ZNF148: variants seen among roughly 807,000 people sequenced by gnomAD.
The protein encoded by ZNF148 is zinc finger protein 148, also known as Beta-Enolase Repressor Factor-1.
Under a neutral mutation model 67.7 loss-of-function variants are expected in ZNF148, and 7 were observed. That is an observed-to-expected ratio of 0.10 (90% CI 0.06 to 0.19). The LOEUF is 0.19. Among genes scored for constraint, ZNF148 ranks in the 10% least tolerant of loss-of-function variants. ZNF148 has a pLI of 1.00. For missense variants in ZNF148, 583 were observed against 947.1 expected, an observed-to-expected ratio of 0.62 and a Z score of 5.05; for synonymous variants, 333 against 330.7, an observed-to-expected ratio of 1.01 and a Z score of -0.08.
At chr3:125,347,923 A>G (rs755892812) in intron 1 of ZNF148, among the ~76,000 whole-genome samples, 1 of 152,174 alleles carries the variant, frequency 6.6e-6, no homozygotes. Flanking sequence ...TCTACATGCA[A>G]AAGAATGAAA....
chr3:125,351,334 G>A (rs981280503), intron 1 of ZNF148, among the ~76,000 whole-genome samples: 1 of 134,290 alleles, frequency 7.4e-6, no homozygotes, highest in Admixed American at 8.4e-5. Flanking sequence ...ATCTGTTACC[G>A]TGCCACCGCA....
chr3:125,258,422 CAA>C (rs34739205), intron 7 of ZNF148, among the ~76,000 whole-genome samples: 8 of 56,288 alleles, frequency 1.4e-4, no homozygotes, highest in African/African-American at 4.0e-4. Flanking sequence ...GACTCCATCT[CAA>C]AAAAAAAAAA....
At chr3:125,249,598 A>G (rs1305321826) in intron 7 of ZNF148, among the ~76,000 whole-genome samples, 1 of 152,180 alleles carries the variant, frequency 6.6e-6, no homozygotes, top group Admixed American at 6.5e-5. Flanking sequence ...CCATTATGGA[A>G]AACAGTATGG....
intron 7 of ZNF148, among the ~76,000 whole-genome samples, chr3:125,256,799 T>C (rs1277057741): frequency 6.6e-6 from 1 of 152,214 alleles, no homozygotes; most frequent in Non-Finnish European, 1.5e-5. Flanking sequence ...GGAATCCCAG[T>C]AAAGATTGTG....
chr3:125,339,794 CAAAAATT>C (rs147506444), intron 1 of ZNF148, among the ~76,000 whole-genome samples: 5 of 152,180 alleles, frequency 3.3e-5, no homozygotes, highest in South Asian at 4.2e-4. Context: ...TATGTACCTA[CAAAAATT>C]AAAAATTAAA....
intron 7 of ZNF148, among the ~76,000 whole-genome samples, chr3:125,251,454 T>TA (rs1266154053): frequency 2.6e-5 from 4 of 152,228 alleles, no homozygotes; most frequent in Admixed American, 2.6e-4. Flanking sequence ...CACACCTGTG[T>TA]AATTAGTAGC....
At chr3:125,350,606 C>T (rs1942111118) in intron 1 of ZNF148, among the ~76,000 whole-genome samples, 1 of 152,212 alleles carries the variant, frequency 6.6e-6, no homozygotes, top group Non-Finnish European at 1.5e-5. Flanking sequence ...CACCTTAGAT[C>T]ATCAGGCATT....
At chr3:125,271,278 C>A (rs1337313388) in intron 7 of ZNF148, among the ~76,000 whole-genome samples, 2 of 152,202 alleles carry the variant, frequency 1.3e-5, no homozygotes, top group African/African-American at 4.8e-5. Flanking sequence ...CCACTCTCCC[C>A]GTCCTTCCTG....
chr3:125,265,814 G>C (rs1258394479), intron 7 of ZNF148, among the ~76,000 whole-genome samples: 1 of 152,030 alleles, frequency 6.6e-6, no homozygotes, highest in African/African-American at 2.4e-5. Flanking sequence ...GCAACAAATA[G>C]GTTGTTCTTT....
At chr3:125,241,768 C>T (rs1222043868) in intron 7 of ZNF148, among the ~76,000 whole-genome samples, 1 of 152,146 alleles carries the variant, frequency 6.6e-6, no homozygotes, top group Non-Finnish European at 1.5e-5. Context: ...GGAATAAACA[C>T]TCATAAAAAG....
intron 1 of ZNF148, among the ~76,000 whole-genome samples, chr3:125,359,566 A>G (rs888946026): frequency 2.0e-5 from 3 of 152,336 alleles, no homozygotes; most frequent in Admixed American, 6.5e-5. Flanking sequence ...CATTCTTACC[A>G]TGTGCCCCAT....
intron 1 of ZNF148, among the ~76,000 whole-genome samples, chr3:125,363,658 T>C (rs1004964907): frequency 7.3e-6 from 1 of 137,000 alleles, no homozygotes; most frequent in Non-Finnish European, 1.6e-5. Context: ...TACTTCACAC[T>C]TTTTTTTTTT....
At chr3:125,297,679 G>A (rs1939357438) in intron 4 of ZNF148, among the ~76,000 whole-genome samples, 1 of 145,782 alleles carries the variant, frequency 6.9e-6, no homozygotes, top group Admixed American at 6.7e-5. Context: ...CTAGTGAAAT[G>A]AAACATTAAG....
chr3:125,279,877 T>C (rs529651753), intron 5 of ZNF148, among the ~76,000 whole-genome samples: 1 of 152,190 alleles, frequency 6.6e-6, no homozygotes, highest in Non-Finnish European at 1.5e-5. Flanking sequence ...TATACAGAAG[T>C]ATATAACCTT....
At chr3:125,369,241 G>A (rs575993487) in intron 1 of ZNF148, among the ~76,000 whole-genome samples, 1 of 101,648 alleles carries the variant, frequency 9.8e-6, no homozygotes, top group East Asian at 3.1e-4. Context: ...CAGCCTGAGT[G>A]ACAGAGTGAG....
chr3:125,363,831 C>T (rs10049453), intron 1 of ZNF148, among the ~76,000 whole-genome samples: 114,548 of 151,460 alleles, frequency 0.76, 43,835 homozygotes, highest in African/African-American at 0.85. Flanking sequence ...TTTATCTTTG[C>T]AGAGACAAGG....
Position 125,269,459 on chromosome 3 carries a change from A to C in ZNF148, c.667+8267T>G, listed in dbSNP as rs1248601290. ...TATTATTAAAATGTCAAAAAAAAAA[A>C]AACATGTTGGCGAAGCTACAGAGAA... is the stretch of plus-strand genomic sequence containing the variant. On this transcript the variant is annotated intron_variant, in intron 7 of 8. Coordinates refer to ENST00000360647, the MANE Select transcript of ZNF148 (RefSeq NM_021964.3). 3.3e-5 allele frequency among the ~76,000 whole-genome samples: 5 copies of C among 152,070 alleles called. No homozygotes were observed. The South Asian group carries it at 1.0e-3, about 32-fold the overall frequency.
rs1485452440 is a variant in ZNF148 at position 125,331,247 on chromosome 3, G to A, written c.-233-9C>T. Reference sequence around the variant, plus strand: ...TGATTCCTCCCTCTATCCTACAAAAGTACACAAATACAGGTTAACCCCCAA... The same window carrying A: ...TGATTCCTCCCTCTATCCTACAAAAATACACAAATACAGGTTAACCCCCAA... On this transcript the variant is annotated splice_polypyrimidine_tract_variant and intron_variant, in intron 1 of 8. Transcript: ENST00000360647. 5.0e-6 allele frequency: 2 copies of A among 398,330 alleles called. No individual in the cohort carries two copies. Among genetic ancestry groups the A allele is most frequent in the African/African-American group, 4.1e-5 (2 of 48,600 alleles). 24.7% of individuals were successfully genotyped at this position (398,330 alleles called of 1,614,324 possible).
At chr3:125,370,710 C>A (rs1450247408) in intron 1 of ZNF148, among the ~76,000 whole-genome samples, 1 of 152,158 alleles carries the variant, frequency 6.6e-6, no homozygotes, top group African/African-American at 2.4e-5. Flanking sequence ...ACACAAATTT[C>A]AAAAACATTA....
Sources: allele counts gnomAD v4.1 joint callset (sites outside exome capture counted in the v4.1 genomes callset), GRCh38; gene constraint gnomAD v4.1.1; transcripts MANE v1.5; gene names NCBI Gene and HGNC (gene_info 2026-07-23, HGNC 2026-07-21).